AKAP11: variants seen among roughly 807,000 people sequenced by gnomAD.
AKAP11 encodes A-kinase anchoring protein 11.
Under a neutral mutation model 146.1 loss-of-function variants are expected in AKAP11, and 36 were observed. The ratio of observed to expected loss-of-function variants is 0.25; its 90% CI spans 0.19 to 0.33. The LOEUF is 0.33. Among genes scored for constraint, AKAP11 ranks in the 10% least tolerant of loss-of-function variants. AKAP11 has a pLI of 1.00. For missense variants in AKAP11, 2,201 were observed against 2,197.0 expected (o/e 1.00, Z -0.04); for synonymous variants, 780 against 786.5 (o/e 0.99, Z 0.14).
intron 4 of AKAP11, among the ~76,000 whole-genome samples, chr13:42,293,458 G>A (rs531382033): frequency 1.3e-5 from 2 of 152,256 alleles, no homozygotes; most frequent in East Asian, 3.9e-4. Context: ...TAGGCCTGTA[G>A]TGTTCTGGTG....
At chr13:42,272,391 C>T (rs1239627830) in intron 1 of AKAP11, among the ~76,000 whole-genome samples, 163 bp downstream of exon 1, 1 of 152,134 alleles carries the variant, frequency 6.6e-6, no homozygotes, top group Non-Finnish European at 1.5e-5. Context: ...GCTGCGCCTT[C>T]GCATGGCGGA....
rs150413364 is a variant in AKAP11, at chr13:42,302,671, G to A, written c.3925G>A (p.Val1309Ile). Residue 1309 changes from valine to isoleucine, a missense_variant, in exon 8 of 13, where the codon GTA (valine) becomes ATA (isoleucine). Val to Ile is a conservative substitution (Grantham distance 29, BLOSUM62 3). This residue lies in a region of AKAP11 where 1,867 missense variants were observed against 1,833.5 expected (regional missense o/e 1.02). Transcript: ENST00000025301. ...KVEEKLDIEA[V>I]VHPREVDPFI... ...AGAAGAGAAGTTGGATATAGAGGCT[G>A]TAGTGCACCCAAGAGAAGTGGATCC... 154 of 1,614,036 alleles carry A rather than the reference G, an allele frequency of 9.5e-5. No homozygotes were observed. The African/African-American group carries it at 1.9e-3, about 20-fold the overall frequency.
intron 1 of AKAP11, among the ~76,000 whole-genome samples, chr13:42,282,587 A>G (rs144210576): frequency 3.6e-3 from 546 of 152,156 alleles, no homozygotes; most frequent in Non-Finnish European, 4.7e-3. Context: ...ATTCTTTATA[A>G]TTGTTTCTGT....
At chr13:42,309,014 A>C (rs554972326) in intron 9 of AKAP11, among the ~76,000 whole-genome samples, 4 of 152,302 alleles carry the variant, frequency 2.6e-5, no homozygotes, top group Non-Finnish European at 5.9e-5. Flanking sequence ...ACATTAGTTA[A>C]AATAGTATCT....
chr13:42,320,841 A>G lies in AKAP11; in HGVS notation c.*1613A>G, dbSNP rs1961059016. ...TGTGGTATAGAAATGTTTTATAGTGAAAGATTCAAATTTGCTTTTCAAGAA... is the reference window on the plus strand; with the variant it reads ...TGTGGTATAGAAATGTTTTATAGTGGAAGATTCAAATTTGCTTTTCAAGAA... On this transcript the variant is annotated 3_prime_UTR_variant, in exon 13 of 13. Coordinates refer to ENST00000025301, the MANE Select transcript of AKAP11 (RefSeq NM_016248.4). 1 of 152,340 alleles carries G rather than the reference A, an allele frequency of 6.6e-6. No individual in the cohort carries two copies. The highest frequency in any genetic ancestry group is 2.1e-4 in the South Asian group (1 of 4,832). The allele number at this position is 152,340 out of a possible 1,614,324, so 9.4% of individuals were successfully genotyped here.
chr13:42,307,058 A>G (rs1280336569), intron 8 of AKAP11, among the ~76,000 whole-genome samples: 1 of 152,206 alleles, frequency 6.6e-6, no homozygotes, highest in Admixed American at 6.5e-5. Context: ...CCTCACAGTC[A>G]TTATAAACTC....
Position 42,303,030 on chromosome 13 carries a change from A to G in AKAP11, c.4284A>G (p.Lys1428=), listed in dbSNP as rs1411261059. The change falls in exon 8 of 13, where the codon AAA becomes AAG. Residue 1428 remains lysine, a synonymous_variant. Coordinates refer to ENST00000025301, the MANE Select transcript of AKAP11 (RefSeq NM_016248.4). ...AAGCAGACAAAAAGAGACAAAGTAA[A>G]AGAAATGAAGGTTACTTTTGTAAAA... is the stretch of plus-strand genomic sequence containing the variant. ...HQEADKKRQS[K]RNEGYFCKNQ... The G allele has an allele frequency of 1.2e-6, 2 of 1,613,174 alleles. No homozygotes were observed. The highest frequency in any genetic ancestry group is 1.7e-5 in the Admixed American group (1 of 59,852).
At chr13:42,308,912 T>TC (rs1264821241) in intron 9 of AKAP11, among the ~76,000 whole-genome samples, 1 of 151,978 alleles carries the variant, frequency 6.6e-6, no homozygotes, top group African/African-American at 2.4e-5. Flanking sequence ...ATTTTTTTTT[T>TC]CACTTTAAAA....
At chr13:42,291,767 T>C (rs1287943427) in intron 3 of AKAP11, among the ~76,000 whole-genome samples, 3 of 152,140 alleles carry the variant, frequency 2.0e-5, no homozygotes, top group Non-Finnish European at 2.9e-5. Flanking sequence ...AGGAAATAAG[T>C]GTTCTATTTA....
At chr13:42,273,870 C>A (rs971750642) in intron 1 of AKAP11, among the ~76,000 whole-genome samples, 4 of 152,098 alleles carry the variant, frequency 2.6e-5, no homozygotes, top group Non-Finnish European at 5.9e-5. Context: ...TATTAAAGGC[C>A]GTTTTAAGAG....
chr13:42,319,952 A>AGTGTGTGTGTGTGTGTGG lies in AKAP11; in HGVS notation c.*725_*726insTGTGTGTGTGTGTGTGGG, dbSNP rs1961013967. 1.8e-5 allele frequency: 1 copy of AGTGTGTGTGTGTGTGTGG among 56,264 alleles called. No homozygotes were observed. Among genetic ancestry groups the AGTGTGTGTGTGTGTGTGG allele is most frequent in the African/African-American group, 4.3e-5 (1 of 23,206 alleles). 3.5% of individuals were successfully genotyped at this position (56,264 alleles called of 1,614,324 possible). On this transcript the variant is annotated 3_prime_UTR_variant, in exon 13 of 13. Coordinates refer to ENST00000025301, the MANE Select transcript of AKAP11 (RefSeq NM_016248.4). ...GTGTGTGTGTGTGTGTGTGTGTGTA[A>AGTGTGTGTGTGTGTGTGG]GGGAGTACTTTAACCTTGCCAGTTT...
At chr13:42,311,615 G>A (rs1960568665) in intron 9 of AKAP11, among the ~76,000 whole-genome samples, 1 of 152,090 alleles carries the variant, frequency 6.6e-6, no homozygotes, top group Non-Finnish European at 1.5e-5. Context: ...TAATGTTTAT[G>A]TAATAGGTAG....
chr13:42,279,790 G>T (rs1959020169), intron 1 of AKAP11, among the ~76,000 whole-genome samples: 1 of 152,046 alleles, frequency 6.6e-6, no homozygotes, highest in South Asian at 2.1e-4. Context: ...TTGCTTGCTT[G>T]ATTTATTATA....
chr13:42,307,226 C>A (rs1323910744), intron 8 of AKAP11, among the ~76,000 whole-genome samples: 1 of 151,952 alleles, frequency 6.6e-6, no homozygotes, highest in African/African-American at 2.4e-5. Flanking sequence ...CTGTATCTTA[C>A]AAAATTAGAA....
intron 1 of AKAP11, among the ~76,000 whole-genome samples, chr13:42,278,044 A>G (rs1032351981): frequency 6.6e-6 from 1 of 152,188 alleles, no homozygotes; most frequent in Non-Finnish European, 1.5e-5. Flanking sequence ...TGCTACTGGC[A>G]TCTAGTGGGT....
chr13:42,307,520 C>T (rs1960324080), intron 8 of AKAP11, among the ~76,000 whole-genome samples: 1 of 152,022 alleles, frequency 6.6e-6, no homozygotes, highest in Admixed American at 6.6e-5. Flanking sequence ...GGAAACAATA[C>T]TGGCAAAGTG....
chr13:42,323,052 ACT>A lies in AKAP11; in HGVS notation c.*3827_*3828del, dbSNP rs765583869. The A allele has an allele frequency of 1.5e-4, 23 of 152,768 alleles. No individual in the cohort carries two copies. The highest frequency in any genetic ancestry group is 7.4e-5 in the Non-Finnish European group (5 of 67,988). 9.5% of individuals were successfully genotyped at this position (152,768 alleles called of 1,614,324 possible). On this transcript the variant is annotated 3_prime_UTR_variant, in exon 13 of 13. Transcript: ENST00000025301. Reference sequence around the variant, plus strand: ...TAAGATCTTGTACTGTGTAACAGTAACTCTTTTTTGCTTTTCAGTAATTTAAT... The same window carrying A: ...TAAGATCTTGTACTGTGTAACAGTAACTTTTTTGCTTTTCAGTAATTTAAT...
chr13:42,283,199 TC>T (rs1959099605), intron 1 of AKAP11, among the ~76,000 whole-genome samples: 1 of 152,232 alleles, frequency 6.6e-6, no homozygotes, highest in Admixed American at 6.5e-5. Context: ...ATTTCTTTCT[TC>T]CTGAGACAGT....
chr13:42,312,624 T>C (rs1329794286), intron 9 of AKAP11, among the ~76,000 whole-genome samples: 1 of 152,194 alleles, frequency 6.6e-6, no homozygotes, highest in African/African-American at 2.4e-5. Context: ...TGTCACTGTT[T>C]TGCACTATCT....
Sources: gnomAD v4.1 joint callset for allele counts (sites outside exome capture counted in the v4.1 genomes callset) on GRCh38, gnomAD v4.1.1 for gene constraint, gnomAD v4.1.1 regional missense constraint, MANE v1.5 for transcripts, NCBI Gene and HGNC (gene_info 2026-07-23, HGNC 2026-07-21) for gene names.